GATM: variants seen among roughly 807,000 people sequenced by gnomAD.
GATM encodes glycine amidinotransferase, also known as glycine amidinotransferase, mitochondrial.
A neutral mutation model predicts 54.2 loss-of-function variants in GATM; 23 were observed. The observed-to-expected ratio is 0.42, with a 90% CI of 0.31 to 0.60. GATM has a LOEUF of 0.60. Ranked by LOEUF, GATM falls within the 20% of genes least tolerant of loss-of-function variation. The pLI is 0.14. For synonymous variants in GATM, 168 were observed against 183.1 expected (o/e 0.92, Z 0.67); for missense variants, 401 against 544.9 (o/e 0.74, Z 2.63).
At position 45,368,770 on chromosome 15, in the gene GATM, G is replaced by GA. The variant is rs1344527913; in HGVS notation, c.485-511dup. ...AATTGTGTGGTGGGGGGGAAGCCCA[G>GA]AAAAAAAAGAAAAGAAAAAAAAGTG... is the stretch of plus-strand genomic sequence containing the variant. On this transcript the variant is annotated intron_variant, in intron 3 of 8. Transcript: ENST00000396659. The surrounding 1 kb of genome is among the most constrained non-coding windows in gnomAD (Gnocchi z 5.1). Among the ~76,000 whole-genome samples, 2 of 148,946 alleles carry GA rather than the reference G, an allele frequency of 1.3e-5. No individual in the cohort carries two copies. The highest frequency in any genetic ancestry group is 6.8e-5 in the Admixed American group (1 of 14,652).
At chr15:45,379,583 GTCT>G (rs1485955209), upstream of GATM, 1 of 152,180 alleles carries the variant, frequency 6.6e-6, no homozygotes, top group African/African-American at 2.4e-5. Context: ...CTGAATTGCA[GTCT>G]TCTTATCTGC....
At chr15:45,393,005 A>C (rs1889888420) in intron 3 of GATM, among the ~76,000 whole-genome samples, 1 of 152,228 alleles carries the variant, frequency 6.6e-6, no homozygotes, top group Admixed American at 6.5e-5. Flanking sequence ...AATTAAAATA[A>C]TAATTAACAC....
At chr15:45,379,912 G>GA (rs1315052021), upstream of GATM, 1 of 151,818 alleles carries the variant, frequency 6.6e-6, no homozygotes, top group African/African-American at 2.4e-5. Context: ...ACGAGGTCAG[G>GA]AGATCAAGAC....
chr15:45,366,346 A>C, intron 5 of GATM, 25 bp downstream of exon 5: 1 of 1,614,024 alleles, frequency 6.2e-7, no homozygotes, highest in African/African-American at 1.3e-5. Flanking sequence ...TATAGTGTGA[A>C]ATTTCAGAGG....
intron 3 of GATM, among the ~76,000 whole-genome samples, chr15:45,392,408 G>T (rs560391639): frequency 6.6e-6 from 1 of 152,342 alleles, no homozygotes; most frequent in South Asian, 2.1e-4. Flanking sequence ...GTTTCAAAAT[G>T]ATTTCATACA....
Position 45,368,755 on chromosome 15 carries a change from T to TG in GATM, c.485-496dup, listed in dbSNP as rs374481998. On this transcript the variant is annotated intron_variant, in intron 3 of 8. Coordinates refer to ENST00000396659, the MANE Select transcript of GATM (RefSeq NM_001482.3). This position sits in a 1 kb window ranked among gnomAD's most constrained non-coding sequence, Gnocchi z 5.1. ...TAGATTGTTAACATGAATTGTGTGG[T>TG]GGGGGGGAAGCCCAGAAAAAAAAGA... Among the ~76,000 whole-genome samples, 592 of 146,692 alleles carry TG rather than the reference T, an allele frequency of 4.0e-3. 16 individuals are homozygous for TG. Among genetic ancestry groups the TG allele is most frequent in the Admixed American group, 0.028 (402 of 14,336 alleles).
At chr15:45,369,860 A>C (rs1293911952) in intron 2 of GATM, among the ~76,000 whole-genome samples, 3 of 152,204 alleles carry the variant, frequency 2.0e-5, no homozygotes, top group Non-Finnish European at 4.4e-5. Context: ...AACAGGACAT[A>C]GCACTTCTAT....
chr15:45,364,300 C>A, intron 7 of GATM: 1 of 414,258 alleles, frequency 2.4e-6, no homozygotes, highest in Non-Finnish European at 4.4e-6. Context: ...ATTCCTTGAG[C>A]CTAGGAGTTT....
At chr15:45,364,747 G>A in intron 7 of GATM, 50 bp downstream of exon 7, 3 of 1,494,592 alleles carry the variant, frequency 2.0e-6, no homozygotes, top group Admixed American at 1.7e-5. Flanking sequence ...AAAGATCCTT[G>A]GTCACTAAAG....
rs554779791 is a variant in GATM, at chr15:45,372,931, C to T, written c.289-3410G>A. Among the ~76,000 whole-genome samples, 12 of 152,328 alleles carry T rather than the reference C, an allele frequency of 7.9e-5. No homozygotes were observed. The South Asian group carries it at 1.2e-3, about 16-fold the overall frequency. ...CAAGTTGTTTGCAAGATGATGAACACTATATTAGACGCTTAGCATATGATG... is the reference window on the plus strand; with the variant it reads ...CAAGTTGTTTGCAAGATGATGAACATTATATTAGACGCTTAGCATATGATG... On this transcript the variant is annotated intron_variant, in intron 2 of 8. Coordinates refer to ENST00000396659, the MANE Select transcript of GATM (RefSeq NM_001482.3).
chr15:45,369,469 TA>T lies in GATM; in HGVS notation c.340del (p.Tyr114IlefsTer7), dbSNP rs1889504102. On this transcript the variant is annotated frameshift_variant, in exon 3 of 9. Coordinates refer to ENST00000396659, the MANE Select transcript of GATM (RefSeq NM_001482.3). LOFTEE classifies it high-confidence loss of function. The part of the protein sequence containing the change: ...WPFYQKQGGH[Y>X]FPKDHLKKAV... The stretch of plus-strand genomic sequence containing the variant: ...CTTTTTCAAATGATCTTTGGGAAAA[TA>T]ATGCCCTCCTTGCTTCTGGTAAAAT... The T allele has an allele frequency of 6.2e-7, 1 of 1,614,068 alleles. No individual in the cohort carries two copies. The highest frequency in any genetic ancestry group is 1.3e-5 in the African/African-American group (1 of 74,946).
At position 45,378,395 on chromosome 15, in the gene GATM, A is replaced by T; in HGVS notation, c.59T>A (p.Ile20Asn). The T allele has an allele frequency of 6.6e-7, 1 of 1,518,012 alleles. No homozygotes were observed. The highest frequency in any genetic ancestry group is 8.8e-7 in the Non-Finnish European group (1 of 1,139,732). 94.0% of individuals were successfully genotyped at this position (1,518,012 alleles called of 1,614,324 possible). The stretch of plus-strand genomic sequence containing the variant: ...CGGTGGCGCACGCACCCGAGATCCG[A>T]TGTAGTGCACCGCCTCGGCGCCGCG... ...GSRGAEAVHYIGSRLGRTLTG... is the reference protein window; with the variant it reads ...GSRGAEAVHYNGSRLGRTLTG... Residue 20 changes from isoleucine (I) to asparagine (N), a missense_variant, in exon 1 of 9, where the codon ATC (isoleucine) becomes AAC (asparagine). Coordinates refer to ENST00000396659, the MANE Select transcript of GATM (RefSeq NM_001482.3).
At chr15:45,369,250 G>T in intron 3 of GATM, 76 bp downstream of exon 3, 1 of 1,310,938 alleles carries the variant, frequency 7.6e-7, no homozygotes, top group Non-Finnish European at 1.1e-6. Flanking sequence ...GAAATTTTTT[G>T]GAGCTTTCCC....
chr15:45,362,296 C>T (rs1007987401), intron 8 of GATM, 75 bp from the exon 9 acceptor site: 14 of 873,650 alleles, frequency 1.6e-5, no homozygotes, highest in African/African-American at 3.3e-5. Context: ...GGCCTACAGA[C>T]TTGGAGGAGT....
chr15:45,402,181 A>T, exon 1 of GATM: 1 of 529,222 alleles, frequency 1.9e-6, no homozygotes, highest in Non-Finnish European at 3.2e-6. Flanking sequence ...TGTAACGAAG[A>T]CCATCTCGGG....
rs1270824360 is a variant in GATM, at chr15:45,363,949, A to G, written c.1110T>C (p.Val370=). Residue 370 remains valine (V), a synonymous_variant, in exon 8 of 9, where the codon GTT becomes GTC. Coordinates refer to ENST00000396659, the MANE Select transcript of GATM (RefSeq NM_001482.3). The part of the protein sequence containing the change: ...MNVLMLDEKR[V]MVDANEVPIQ... ...TTGGAACTTCATTGGCATCCACCAT[A>G]ACACGTTTTTCATCTAGCATTAAGA... 1.2e-6 allele frequency: 2 copies of G among 1,613,628 alleles called. No homozygotes were observed. Among genetic ancestry groups the G allele is most frequent in the African/African-American group, 2.7e-5 (2 of 74,926 alleles).
At chr15:45,380,723 G>A (rs945339224), upstream of GATM, among the ~76,000 whole-genome samples, 2 of 152,020 alleles carry the variant, frequency 1.3e-5, no homozygotes, top group Non-Finnish European at 2.9e-5. Flanking sequence ...TGAAGTTTAC[G>A]ATGTTGTTAA....
intron 3 of GATM, among the ~76,000 whole-genome samples, chr15:45,385,816 T>C (rs1427187252): frequency 2.0e-5 from 3 of 152,180 alleles, no homozygotes; most frequent in Non-Finnish European, 4.4e-5. Flanking sequence ...ACAAACATAC[T>C]TAATGAAGTA....
At chr15:45,395,283 T>A (rs1889915896) in intron 3 of GATM, among the ~76,000 whole-genome samples, 1 of 152,200 alleles carries the variant, frequency 6.6e-6, no homozygotes, top group Non-Finnish European at 1.5e-5. Flanking sequence ...GTTCTAAAGA[T>A]CTAAGAGTTA....
Sources: gnomAD v4.1 joint callset for allele counts (sites outside exome capture counted in the v4.1 genomes callset) on GRCh38, gnomAD v4.1.1 for gene constraint, Gnocchi (gnomAD v3.1) non-coding constraint, MANE v1.5 for transcripts, NCBI Gene and HGNC (gene_info 2026-07-23, HGNC 2026-07-21) for gene names.